The following NFASC variants were observed in gnomAD, a reference collection of about 807,000 sequenced individuals.
The protein encoded by NFASC is neurofascin homolog.
In NFASC, 43 loss-of-function variants were observed where a neutral mutation model predicts 147.5. The ratio of observed to expected loss-of-function variants is 0.29; its 90% CI spans 0.23 to 0.38. The LOEUF is 0.38. NFASC is among the 10% of genes least tolerant of loss of function. The probability of loss-of-function intolerance (pLI) is 1.00; values close to 1 mark genes in which losing one functional copy is unlikely to be tolerated. For missense variants in NFASC, 1,320 were observed against 1,689.0 expected, an observed-to-expected ratio of 0.78 and a Z score of 3.83; for synonymous variants, 622 against 665.5, an observed-to-expected ratio of 0.93 and a Z score of 1.01.
intron 1 of NFASC, among the ~76,000 whole-genome samples, chr1:204,866,517 G>T (rs899899971): frequency 6.6e-6 from 1 of 152,136 alleles, no homozygotes; most frequent in Non-Finnish European, 1.5e-5. Flanking sequence ...GTCCAGAAAG[G>T]GTAAAAGGCT....
Position 204,975,492 on chromosome 1 carries a change from A to G in NFASC, c.1706+74A>G. ...TCTTTTCCCTTGCTGTTGGTGACACATGGAAGAACACAGGGACAGGGAACC... is the reference window on the plus strand; with the variant it reads ...TCTTTTCCCTTGCTGTTGGTGACACGTGGAAGAACACAGGGACAGGGAACC... On this transcript the variant is annotated intron_variant, in intron 15 of 29. Transcript: ENST00000339876. This position sits in a 1 kb window ranked among gnomAD's most constrained non-coding sequence, Gnocchi z 4.0. 1 of 1,543,848 alleles carries G rather than the reference A, an allele frequency of 6.5e-7. No homozygotes were observed. The highest frequency in any genetic ancestry group is 1.2e-5 in the South Asian group (1 of 82,444).
chr1:204,861,725 G>A (rs984009219), intron 1 of NFASC, among the ~76,000 whole-genome samples: 5 of 150,996 alleles, frequency 3.3e-5, no homozygotes, highest in African/African-American at 7.3e-5. Flanking sequence ...TCCTGACCTC[G>A]TGATCTGCCC....
intron 1 of NFASC, among the ~76,000 whole-genome samples, chr1:204,836,020 A>G (rs1055655090): frequency 6.6e-6 from 1 of 152,208 alleles, no homozygotes; most frequent in African/African-American, 2.4e-5. Flanking sequence ...ATGCTGGCCA[A>G]TTTGCTTTGG....
At chr1:204,839,487 A>C (rs948033208) in intron 1 of NFASC, among the ~76,000 whole-genome samples, 1 of 151,970 alleles carries the variant, frequency 6.6e-6, no homozygotes, top group Non-Finnish European at 1.5e-5. Context: ...AGGGTGCTGG[A>C]GGGGCCAGAT....
chr1:204,937,537 C>T (rs184452258), intron 2 of NFASC, among the ~76,000 whole-genome samples: 3 of 152,290 alleles, frequency 2.0e-5, no homozygotes, highest in East Asian at 1.9e-4. Context: ...GAATGTCATG[C>T]GGTTGTAACC....
In NFASC at chr1:204,986,227, AG is replaced by A. The variant is rs2095612480; in HGVS notation, c.2471-1189del. On this transcript the variant is annotated intron_variant, in intron 21 of 29. Coordinates refer to ENST00000339876, the MANE Select transcript of NFASC (RefSeq NM_001005388.3). The surrounding 1 kb of genome is among the most constrained non-coding windows in gnomAD (Gnocchi z 4.2). ...TGGATGGCACAAGGTGACTTCTGCG[AG>A]GCCTCCAGGAGCGGATGACCTGCAA... The A allele has an allele frequency of 1.3e-6, 1 of 746,638 alleles. No individual in the cohort carries two copies. Among genetic ancestry groups the A allele is most frequent in the Non-Finnish European group, 2.3e-6 (1 of 438,260 alleles). 46.3% of individuals were successfully genotyped at this position (746,638 alleles called of 1,614,324 possible).
intron 3 of NFASC, among the ~76,000 whole-genome samples, chr1:204,945,643 A>G (rs1209449068): frequency 6.7e-6 from 1 of 150,280 alleles, no homozygotes; most frequent in Non-Finnish European, 1.5e-5. Flanking sequence ...GTGGACTTGA[A>G]TGTATGTGTG....
chr1:204,975,668 CCTCTTCTCAAT>C lies in NFASC; in HGVS notation c.1706+257_1706+267del, dbSNP rs1412778767. On this transcript the variant is annotated intron_variant, in intron 15 of 29. Coordinates refer to ENST00000339876, the MANE Select transcript of NFASC (RefSeq NM_001005388.3). This position sits in a 1 kb window ranked among gnomAD's most constrained non-coding sequence, Gnocchi z 4.0. The stretch of plus-strand genomic sequence containing the variant: ...CTCTCTCCTACACCTCCTCTCTCTC[CCTCTTCTCAAT>C]CTCTTCACTTCTCCTCTCCCTGTCT... Among the ~76,000 whole-genome samples the C allele has an allele frequency of 2.0e-5, 3 of 152,050 alleles. No individual in the cohort carries two copies. The highest frequency in any genetic ancestry group is 7.2e-5 in the African/African-American group (3 of 41,386).
intron 28 of NFASC, among the ~76,000 whole-genome samples, chr1:205,011,159 C>G (rs1017685765): frequency 1.3e-5 from 2 of 152,052 alleles, no homozygotes; most frequent in African/African-American, 4.8e-5. Context: ...ACCCATGCTC[C>G]CCAAATGCTT....
intron 2 of NFASC, among the ~76,000 whole-genome samples, chr1:204,937,940 C>T (rs1297792091): frequency 6.6e-6 from 1 of 152,192 alleles, no homozygotes; most frequent in Non-Finnish European, 1.5e-5. Flanking sequence ...TGAATGAATC[C>T]CTGCCCACTG....
At position 204,968,368 on chromosome 1, in the gene NFASC, C is replaced by T. The variant is rs377252464; in HGVS notation, c.818+8C>T. Reference sequence around the variant, plus strand: ...ATGCATCGCCTCCGGGGTGTATGTGCGGTTTGCAGCCCCTCTTCTAGCCAC... The same window carrying T: ...ATGCATCGCCTCCGGGGTGTATGTGTGGTTTGCAGCCCCTCTTCTAGCCAC... On this transcript the variant is annotated splice_region_variant and intron_variant, in intron 9 of 29. Coordinates refer to ENST00000339876, the MANE Select transcript of NFASC (RefSeq NM_001005388.3). The surrounding 1 kb of genome is among the most constrained non-coding windows in gnomAD (Gnocchi z 5.4). 7.4e-5 allele frequency: 119 copies of T among 1,604,188 alleles called. No individual in the cohort carries two copies. Among genetic ancestry groups the T allele is most frequent in the Non-Finnish European group, 9.1e-5 (107 of 1,171,090 alleles).
intron 1 of NFASC, among the ~76,000 whole-genome samples, chr1:204,848,539 A>G (rs564314186): frequency 6.6e-6 from 1 of 152,368 alleles, no homozygotes; most frequent in African/African-American, 2.4e-5. Flanking sequence ...ATTTTATTAA[A>G]GTGAGACATA....
chr1:204,991,595 C>T (rs1165465162), intron 24 of NFASC, among the ~76,000 whole-genome samples: 1 of 152,246 alleles, frequency 6.6e-6, no homozygotes, highest in Non-Finnish European at 1.5e-5. Flanking sequence ...TCTGGAGCTG[C>T]AGTTTCATTC....
intron 29 of NFASC, 114 bp downstream of exon 29, chr1:205,012,980 C>T: frequency 1.3e-6 from 1 of 756,196 alleles, no homozygotes; most frequent in Non-Finnish European, 2.3e-6. Context: ...GCTGTCCTTG[C>T]CCATTGGGCT....
chr1:204,878,524 C>T (rs1336508785), intron 1 of NFASC, among the ~76,000 whole-genome samples: 1 of 152,002 alleles, frequency 6.6e-6, no homozygotes, highest in African/African-American at 2.4e-5. Context: ...AAAGAAAACC[C>T]CTTGGGCTTT....
Position 205,021,932 on chromosome 1 carries a change from C to T in NFASC, c.*5393C>T, listed in dbSNP as rs1413674811. 6.5e-6 allele frequency: 1 copy of T among 152,678 alleles called. No homozygotes were observed. The highest frequency in any genetic ancestry group is 2.4e-5 in the African/African-American group (1 of 41,446). 9.5% of individuals were successfully genotyped at this position (152,678 alleles called of 1,614,324 possible). Reference sequence around the variant, plus strand: ...GACCGTACCCCGTAGAATGGTGTCTCTTGCTTTGTAACACATCGGGCCTTC... The same window carrying T: ...GACCGTACCCCGTAGAATGGTGTCTTTTGCTTTGTAACACATCGGGCCTTC... On this transcript the variant is annotated 3_prime_UTR_variant, in exon 30 of 30. Coordinates refer to ENST00000339876, the MANE Select transcript of NFASC (RefSeq NM_001005388.3).
At position 204,954,439 on chromosome 1, in the gene NFASC, G is replaced by A; in HGVS notation, c.412+55G>A. 6 of 1,557,476 alleles carry A rather than the reference G, an allele frequency of 3.9e-6. No homozygotes were observed. The highest frequency in any genetic ancestry group is 2.3e-5 in the South Asian group (2 of 86,414). The stretch of plus-strand genomic sequence containing the variant: ...CCTGCTCCTGGGTAAATGGAGAGTG[G>A]GGGGTGTGGAAGGCCATTCCAGAAG... On this transcript the variant is annotated intron_variant, in intron 6 of 29. Coordinates refer to ENST00000339876, the MANE Select transcript of NFASC (RefSeq NM_001005388.3). The surrounding 1 kb of genome is among the most constrained non-coding windows in gnomAD (Gnocchi z 5.7).
chr1:205,001,316 C>T (rs373088317), intron 26 of NFASC, 30 bp downstream of exon 26: 54 of 1,444,936 alleles, frequency 3.7e-5, no homozygotes, highest in African/African-American at 7.0e-5. Context: ...GTGGTGGTGG[C>T]GGCAGCGGCG....
At chr1:204,923,067 G>A (rs2090820994) in intron 2 of NFASC, among the ~76,000 whole-genome samples, 1 of 152,190 alleles carries the variant, frequency 6.6e-6, no homozygotes, top group South Asian at 2.1e-4. Flanking sequence ...GAAAGGGCCT[G>A]GATTCAAATC....
Sources: gnomAD v4.1 joint callset for allele counts (sites outside exome capture counted in the v4.1 genomes callset) on GRCh38, gnomAD v4.1.1 for gene constraint, Gnocchi (gnomAD v3.1) non-coding constraint, MANE v1.5 for transcripts, NCBI Gene and HGNC (gene_info 2026-07-23, HGNC 2026-07-21) for gene names.